JAZF1: variants seen among roughly 807,000 people sequenced by gnomAD.
JAZF1 encodes JAZF zinc finger 1, also known as juxtaposed with another zinc finger protein 1.
A neutral mutation model predicts 26.4 loss-of-function variants in JAZF1; 8 were observed. The observed-to-expected ratio is 0.30, with a 90% CI of 0.18 to 0.55. The LOEUF (loss-of-function observed/expected upper bound fraction) is 0.55, where lower values mean the gene tolerates loss of function less well. Ranked by LOEUF, JAZF1 falls within the 20% of genes least tolerant of loss-of-function variation. The probability of loss-of-function intolerance (pLI) is 0.94; values close to 1 mark genes in which losing one functional copy is unlikely to be tolerated. For synonymous variants in JAZF1, 126 were observed against 122.3 expected (o/e 1.03, Z -0.20); for missense variants, 199 against 322.0 (o/e 0.62, Z 2.92).
At chr7:27,966,933 G>A (rs1458965860) in intron 2 of JAZF1, among the ~76,000 whole-genome samples, 1 of 152,112 alleles carries the variant, frequency 6.6e-6, no homozygotes, top group African/African-American at 2.4e-5. Flanking sequence ...GAAACTGATG[G>A]GGGCATCCAG....
chr7:28,153,109 T>A (rs1225588814), intron 1 of JAZF1, among the ~76,000 whole-genome samples: 3 of 152,146 alleles, frequency 2.0e-5, no homozygotes, highest in Non-Finnish European at 2.9e-5. Flanking sequence ...AATTTCTCCC[T>A]CGAATCAGCA....
chr7:28,070,015 G>A (rs574724873), intron 1 of JAZF1, among the ~76,000 whole-genome samples: 2 of 152,030 alleles, frequency 1.3e-5, no homozygotes, highest in African/African-American at 2.4e-5. Flanking sequence ...CCCTGCTCAC[G>A]GCACACTGCA....
chr7:27,909,234 G>C (rs1296935875), intron 2 of JAZF1, among the ~76,000 whole-genome samples: 1 of 146,136 alleles, frequency 6.8e-6, no homozygotes, highest in African/African-American at 2.8e-5. Flanking sequence ...TTTTTTAATT[G>C]AAGAAATGTG....
intron 2 of JAZF1, among the ~76,000 whole-genome samples, chr7:27,967,610 C>T (rs1197321432): frequency 1.3e-5 from 2 of 152,072 alleles, no homozygotes; most frequent in Admixed American, 6.5e-5. Context: ...TCCTCTAATG[C>T]AATTTTACAC....
intron 2 of JAZF1, among the ~76,000 whole-genome samples, chr7:27,963,558 T>TC (rs34874067): frequency 0.017 from 1,632 of 97,606 alleles, 26 homozygotes; most frequent in Non-Finnish European, 0.025. Flanking sequence ...TGTTTGCAAT[T>TC]CCCCCCCCCC....
chr7:28,078,497 C>T (rs959266127), intron 1 of JAZF1, among the ~76,000 whole-genome samples: 2 of 152,170 alleles, frequency 1.3e-5, no homozygotes, highest in African/African-American at 4.8e-5. Flanking sequence ...GGCTGCATTG[C>T]TACTCAAAGG....
Position 27,910,157 on chromosome 7 carries a change from G to A in JAZF1, c.189-14741C>T, listed in dbSNP as rs536688747. Among the ~76,000 whole-genome samples the A allele has an allele frequency of 2.6e-5, 4 of 152,302 alleles. No individual in the cohort carries two copies. In the East Asian group the frequency reaches 7.7e-4, roughly 29 times the overall value. ...TGAGAGTCTGTTATAATGTCAAATG[G>A]TATGCTGTCTTGCACAGTATAGTGA... On this transcript the variant is annotated intron_variant, in intron 2 of 4. Transcript: ENST00000283928.
At chr7:28,078,222 G>A (rs559826749) in intron 1 of JAZF1, among the ~76,000 whole-genome samples, 1 of 152,160 alleles carries the variant, frequency 6.6e-6, no homozygotes, top group Non-Finnish European at 1.5e-5. Context: ...TGGTATAGTG[G>A]CAAGAGACTT....
intron 1 of JAZF1, among the ~76,000 whole-genome samples, chr7:28,146,274 G>T (rs1783026152): frequency 6.6e-6 from 1 of 152,204 alleles, no homozygotes; most frequent in Non-Finnish European, 1.5e-5. Flanking sequence ...TAAAAGATTA[G>T]AACAACATTA....
At chr7:27,962,894 T>C (rs1227644388) in intron 2 of JAZF1, among the ~76,000 whole-genome samples, 1 of 152,218 alleles carries the variant, frequency 6.6e-6, no homozygotes, top group African/African-American at 2.4e-5. Context: ...TGAAATACAC[T>C]GCAAATCTTT....
chr7:27,928,527 A>G (rs1413807050), intron 2 of JAZF1, among the ~76,000 whole-genome samples: 3 of 152,234 alleles, frequency 2.0e-5, no homozygotes, highest in Admixed American at 2.0e-4. Context: ...CTGATATAGT[A>G]TGCTCTAAAG....
At chr7:28,172,266 A>G (rs1306486986) in intron 1 of JAZF1, among the ~76,000 whole-genome samples, 1 of 152,248 alleles carries the variant, frequency 6.6e-6, no homozygotes, top group Non-Finnish European at 1.5e-5. Flanking sequence ...AGTTACTTTT[A>G]GCCTTATAGT....
chr7:28,011,307 C>G (rs1169818875), intron 1 of JAZF1, among the ~76,000 whole-genome samples: 1 of 152,096 alleles, frequency 6.6e-6, no homozygotes, highest in African/African-American at 2.4e-5. Context: ...AGATTTAGTC[C>G]AATGACTTCT....
chr7:27,908,749 T>C (rs1784306587), intron 2 of JAZF1, among the ~76,000 whole-genome samples: 1 of 152,242 alleles, frequency 6.6e-6, no homozygotes, highest in African/African-American at 2.4e-5. Context: ...TTTGTTCTGT[T>C]TCTGCTTTTC....
intron 4 of JAZF1, among the ~76,000 whole-genome samples, chr7:27,835,469 CTG>C (rs752180722): frequency 2.5e-4 from 38 of 152,278 alleles, no homozygotes; most frequent in African/African-American, 6.3e-4. Context: ...TGGCATGAGA[CTG>C]TGAAGAAAAC....
intron 1 of JAZF1, among the ~76,000 whole-genome samples, chr7:28,172,898 G>T (rs188418874): frequency 6.6e-6 from 1 of 152,094 alleles, no homozygotes; most frequent in Non-Finnish European, 1.5e-5. Context: ...GACCCAATTC[G>T]ACTTCCCCCT....
At chr7:27,928,985 G>T (rs1784641023) in intron 2 of JAZF1, among the ~76,000 whole-genome samples, 1 of 152,206 alleles carries the variant, frequency 6.6e-6, no homozygotes, top group Non-Finnish European at 1.5e-5. Flanking sequence ...GTTGGTGACA[G>T]GAAGGGCATG....
chr7:28,017,632 A>G (rs967381680), intron 1 of JAZF1, among the ~76,000 whole-genome samples: 3 of 152,344 alleles, frequency 2.0e-5, no homozygotes, highest in Non-Finnish European at 4.4e-5. Context: ...TCTATTTTCC[A>G]GCAGCCATGT....
chr7:28,172,499 A>G (rs1293560352), intron 1 of JAZF1, among the ~76,000 whole-genome samples: 1 of 152,236 alleles, frequency 6.6e-6, no homozygotes, highest in Non-Finnish European at 1.5e-5. Flanking sequence ...CAAGAATCTT[A>G]AACACAGAAT....
Sources: gnomAD v4.1 joint callset for allele counts (sites outside exome capture counted in the v4.1 genomes callset) on GRCh38, gnomAD v4.1.1 for gene constraint, MANE v1.5 for transcripts, NCBI Gene and HGNC (gene_info 2026-07-23, HGNC 2026-07-21) for gene names.